KCNQ5: variants seen among roughly 807,000 people sequenced by gnomAD.
KCNQ5 encodes the protein potassium voltage-gated channel subfamily KQT member 5.
In KCNQ5, 30 loss-of-function variants were observed where a neutral mutation model predicts 98.2. The observed-to-expected ratio is 0.31, with a 90% CI of 0.23 to 0.41. The LOEUF (loss-of-function observed/expected upper bound fraction) is 0.41. Among genes scored for constraint, KCNQ5 ranks in the 10% least tolerant of loss-of-function variants. KCNQ5 has a pLI of 1.00. For synonymous variants in KCNQ5, 458 were observed against 449.4 expected, an observed-to-expected ratio of 1.02 and a Z score of -0.24; for missense variants, 835 against 1,182.5, an observed-to-expected ratio of 0.71 and a Z score of 4.31.
chr6:72,735,180 A>G (rs1050471218), intron 1 of KCNQ5, among the ~76,000 whole-genome samples: 1 of 152,234 alleles, frequency 6.6e-6, no homozygotes. Flanking sequence ...TCTAATGACA[A>G]TTGATTATTA....
At chr6:72,658,049 T>C (rs1766283774) in intron 1 of KCNQ5, among the ~76,000 whole-genome samples, 2 of 152,192 alleles carry the variant, frequency 1.3e-5, no homozygotes, top group Admixed American at 1.3e-4. Context: ...GGAAGTATGA[T>C]GGGCAGCCCA....
At chr6:72,910,028 G>A (rs535159825) in intron 1 of KCNQ5, among the ~76,000 whole-genome samples, 1 of 152,254 alleles carries the variant, frequency 6.6e-6, no homozygotes, top group South Asian at 2.1e-4. Context: ...ATAAAATGAA[G>A]TCATCCCTTT....
chr6:73,084,340 A>G (rs1293050484), intron 5 of KCNQ5, among the ~76,000 whole-genome samples: 2 of 152,230 alleles, frequency 1.3e-5, no homozygotes, highest in African/African-American at 2.4e-5. Flanking sequence ...AAGACAGTGT[A>G]AAGGGAGTGT....
chr6:72,866,118 G>T (rs930370615), intron 1 of KCNQ5, among the ~76,000 whole-genome samples: 6 of 152,028 alleles, frequency 3.9e-5, no homozygotes, highest in African/African-American at 1.4e-4. Flanking sequence ...TTGCCCAGAG[G>T]TCACATAATA....
intron 1 of KCNQ5, among the ~76,000 whole-genome samples, chr6:72,757,038 A>C (rs899699212): frequency 1.3e-5 from 2 of 152,206 alleles, no homozygotes; most frequent in Non-Finnish European, 2.9e-5. Flanking sequence ...ATAACATTTC[A>C]AATATAAAAG....
chr6:73,059,897 T>C (rs991113679), intron 3 of KCNQ5, among the ~76,000 whole-genome samples: 4 of 152,156 alleles, frequency 2.6e-5, no homozygotes, highest in Non-Finnish European at 4.4e-5. Context: ...TGAAGGACCA[T>C]TTTTTAAATC....
chr6:72,921,513 C>T (rs1462555617), intron 1 of KCNQ5, among the ~76,000 whole-genome samples: 3 of 152,112 alleles, frequency 2.0e-5, no homozygotes. Context: ...GGGGAGTAGA[C>T]AGGAGTATCA....
At chr6:72,766,247 A>G (rs1414026444) in intron 1 of KCNQ5, among the ~76,000 whole-genome samples, 1 of 152,020 alleles carries the variant, frequency 6.6e-6, no homozygotes, top group Admixed American at 6.6e-5. Flanking sequence ...TAACAGCACT[A>G]TGGCTGGAGC....
At chr6:73,021,525 G>A (rs550888649) in intron 2 of KCNQ5, among the ~76,000 whole-genome samples, 11 of 152,202 alleles carry the variant, frequency 7.2e-5, no homozygotes, top group African/African-American at 2.6e-4. Context: ...AAGAACATAA[G>A]CTCCCTAAGA....
At chr6:72,780,600 G>A (rs1314896591) in intron 1 of KCNQ5, among the ~76,000 whole-genome samples, 1 of 152,184 alleles carries the variant, frequency 6.6e-6, no homozygotes, top group Non-Finnish European at 1.5e-5. Flanking sequence ...TTTGCTCAAT[G>A]CATCTGGGAC....
intron 1 of KCNQ5, among the ~76,000 whole-genome samples, chr6:72,740,496 A>T (rs1771074032): frequency 6.6e-6 from 1 of 152,124 alleles, no homozygotes; most frequent in Non-Finnish European, 1.5e-5. Flanking sequence ...AGGTTATCCA[A>T]ATTGAAAGCT....
At chr6:72,842,576 G>T (rs1207405427) in intron 1 of KCNQ5, among the ~76,000 whole-genome samples, 1 of 152,076 alleles carries the variant, frequency 6.6e-6, no homozygotes, top group Middle Eastern at 3.2e-3. Flanking sequence ...TTAAGCTAGT[G>T]GCTGAACTAA....
At chr6:72,987,972 T>A (rs1239798285) in intron 1 of KCNQ5, among the ~76,000 whole-genome samples, 1 of 152,166 alleles carries the variant, frequency 6.6e-6, no homozygotes, top group South Asian at 2.1e-4. Context: ...TTGGCTCACA[T>A]TGAACACCTG....
chr6:73,029,364 A>G (rs1345536564), intron 2 of KCNQ5, among the ~76,000 whole-genome samples: 4 of 152,152 alleles, frequency 2.6e-5, no homozygotes, highest in Non-Finnish European at 4.4e-5. Context: ...AGCTGTCAGG[A>G]TAATTCACCA....
chr6:73,192,664 C>T lies in KCNQ5; in HGVS notation c.1809C>T (p.Leu603=), dbSNP rs373501944. The T allele has an allele frequency of 3.6e-5, 57 of 1,603,864 alleles. No homozygotes were observed. The East Asian group carries it at 4.1e-4, about 11-fold the overall frequency. ...AGACCACAGACGATCTCAGTATGCT[C>T]GGTCGGGTGGTCAAGGTTGAAAAAC... ...EHETTDDLSM[L]GRVVKVEKQV... Residue 603 remains leucine (L), a synonymous_variant, in exon 13 of 14, where the codon CTC becomes CTT. Coordinates refer to ENST00000370398, the MANE Select transcript of KCNQ5 (RefSeq NM_019842.4).
In KCNQ5 at chr6:72,622,648, G is replaced by T; in HGVS notation, c.398+61G>T. Reference sequence around the variant, plus strand: ...GGGACCACTGTCCCTGGCCCCCTGGGGCGTGCTCCGCGCTCGCGCCCTTGG... The same window carrying T: ...GGGACCACTGTCCCTGGCCCCCTGGTGCGTGCTCCGCGCTCGCGCCCTTGG... On this transcript the variant is annotated intron_variant, in intron 1 of 13. Coordinates refer to ENST00000370398, the MANE Select transcript of KCNQ5 (RefSeq NM_019842.4). This position sits in a 1 kb window ranked among gnomAD's most constrained non-coding sequence, Gnocchi z 6.0. 1 of 1,579,218 alleles carries T rather than the reference G, an allele frequency of 6.3e-7. No homozygotes were observed.
intron 11 of KCNQ5, among the ~76,000 whole-genome samples, chr6:73,177,630 T>A (rs1311729803): frequency 6.6e-6 from 1 of 152,220 alleles, no homozygotes; most frequent in African/African-American, 2.4e-5. Context: ...TTGCGGGTTT[T>A]GTTAAATCTA....
At chr6:72,822,908 C>A (rs968290754) in intron 1 of KCNQ5, among the ~76,000 whole-genome samples, 2 of 152,182 alleles carry the variant, frequency 1.3e-5, no homozygotes, top group Admixed American at 6.5e-5. Context: ...TATTCCTTGA[C>A]TCATGACCCC....
At chr6:72,779,997 G>A (rs1773377113) in intron 1 of KCNQ5, among the ~76,000 whole-genome samples, 1 of 152,080 alleles carries the variant, frequency 6.6e-6, no homozygotes. Context: ...ACCATGCTGA[G>A]CCATGAGTGG....
Sources: gnomAD v4.1 joint callset for allele counts (sites outside exome capture counted in the v4.1 genomes callset) on GRCh38, gnomAD v4.1.1 for gene constraint, Gnocchi (gnomAD v3.1) non-coding constraint, MANE v1.5 for transcripts, NCBI Gene and HGNC (gene_info 2026-07-23, HGNC 2026-07-21) for gene names.